The following HIKESHI variants were observed in gnomAD, a reference collection of about 807,000 sequenced individuals.
HIKESHI encodes heat shock protein nuclear import factor hikeshi.
HIKESHI carries 13 observed loss-of-function variants against 25.7 expected under a neutral mutation model. The ratio of observed to expected loss-of-function variants is 0.51; its 90% confidence interval spans 0.33 to 0.80. The LOEUF (loss-of-function observed/expected upper bound fraction) is 0.80. Among genes scored for constraint, HIKESHI ranks in the 30% least tolerant of loss-of-function variants. The pLI is 0.02. For missense variants in HIKESHI, 174 were observed against 229.5 expected, an observed-to-expected ratio of 0.76 and a Z score of 1.56; for synonymous variants, 76 against 78.7, an observed-to-expected ratio of 0.97 and a Z score of 0.18.
chr11:86,332,701 A>G (rs75569662), intron 2 of HIKESHI, among the ~76,000 whole-genome samples: 6,167 of 152,372 alleles, frequency 0.04, 158 homozygotes, highest in Middle Eastern at 0.071. Context: ...GAAGTTGGCA[A>G]ACTTTTTTGT....
intron 3 of HIKESHI, chr11:86,344,326 A>G (rs1006515409): frequency 3.5e-6 from 1 of 284,614 alleles, no homozygotes; most frequent in African/African-American, 2.2e-5. Flanking sequence ...ATTCTTTTTT[A>G]TTCATTTATT....
At chr11:86,311,035 T>C (rs1269602878) in intron 2 of HIKESHI, among the ~76,000 whole-genome samples, 1 of 152,174 alleles carries the variant, frequency 6.6e-6, no homozygotes, top group Non-Finnish European at 1.5e-5. Flanking sequence ...TTTTTTGTTG[T>C]CTCTGCTAGG....
rs1713312396 is a variant in HIKESHI, at chr11:86,337,418, T to C, written c.308T>C (p.Val103Ala). The part of the protein sequence containing the change: ...SQHPFGAMNI[V>A]RTPSVAQIGI... ...CATCCTTTTGGAGCCATGAATATTG[T>C]CCGAACTCCATCTGTTGCTCAGATT... The change falls in exon 3 of 5, where the codon GTC becomes GCC. Residue 103 changes from valine to alanine, a missense_variant. Coordinates refer to ENST00000278483, the MANE Select transcript of HIKESHI (RefSeq NM_016401.4). 1 of 1,613,952 alleles carries C rather than the reference T, an allele frequency of 6.2e-7. No individual in the cohort carries two copies. The highest frequency in any genetic ancestry group is 1.7e-5 in the Admixed American group (1 of 59,978).
At chr11:86,336,454 C>T (rs1355096745) in intron 2 of HIKESHI, among the ~76,000 whole-genome samples, 1 of 152,092 alleles carries the variant, frequency 6.6e-6, no homozygotes, top group Non-Finnish European at 1.5e-5. Context: ...GATTACCACT[C>T]TTAGAGTAAT....
At position 86,306,308 on chromosome 11, in the gene HIKESHI, A is replaced by G. The variant is rs760640958; in HGVS notation, c.94A>G (p.Ser32Gly). The change falls in exon 2 of 5, where the codon AGT becomes GGT. Residue 32 changes from serine (S) to glycine (G), a missense_variant. By Grantham distance (56) the Ser-to-Gly change is moderately conservative. Coordinates refer to ENST00000278483, the MANE Select transcript of HIKESHI (RefSeq NM_016401.4). ...KFVFDLPDYE[S>G]INHVVVFMLG... Reference sequence around the variant, plus strand: ...TGTTTTTGACTTACCTGATTATGAAAGTATCAACCATGTTGTGGTTTTTAT... The same window carrying G: ...TGTTTTTGACTTACCTGATTATGAAGGTATCAACCATGTTGTGGTTTTTAT... The G allele has an allele frequency of 1.3e-5, 21 of 1,614,120 alleles. No individual in the cohort carries two copies. The South Asian group carries it at 2.2e-4, about 17-fold the overall frequency.
chr11:86,326,541 A>G (rs1409680332), intron 2 of HIKESHI: 2 of 456,230 alleles, frequency 4.4e-6, no homozygotes, highest in Admixed American at 2.3e-5. Flanking sequence ...CTTGCTGCCT[A>G]CTTTCAACAT....
intron 3 of HIKESHI, among the ~76,000 whole-genome samples, chr11:86,340,876 C>T (rs375392148): frequency 6.6e-6 from 1 of 152,282 alleles, no homozygotes; most frequent in South Asian, 2.1e-4. Context: ...AACTCCTGAC[C>T]TCGTGATCCA....
chr11:86,302,264 G>C lies in HIKESHI; in HGVS notation c.-185G>C. The C allele has an allele frequency of 3.0e-6, 2 of 664,190 alleles. No individual in the cohort carries two copies. Among genetic ancestry groups the C allele is most frequent in the South Asian group, 1.7e-5 (1 of 59,786 alleles). The allele number at this position is 664,190 out of a possible 1,614,324, so 41.1% of individuals were successfully genotyped here. A position where few individuals can be genotyped will look rare whatever the true frequency, so the allele number is the denominator to read the frequency against. On this transcript the variant is annotated 5_prime_UTR_variant, in exon 1 of 5. Coordinates refer to ENST00000278483, the MANE Select transcript of HIKESHI (RefSeq NM_016401.4). ...TGTTGCCTGAGCAGTGGGCTGCTTA[G>C]GAAGAGAAGGTCAGAGTTCGCGGGG...
intron 2 of HIKESHI, among the ~76,000 whole-genome samples, chr11:86,309,390 TC>T (rs1946772918): frequency 6.6e-6 from 1 of 152,210 alleles, no homozygotes; most frequent in Non-Finnish European, 1.5e-5. Flanking sequence ...TGTGTTCATA[TC>T]CGTTGTCCAC....
intron 2 of HIKESHI, among the ~76,000 whole-genome samples, chr11:86,327,734 C>G (rs568008022): frequency 2.6e-5 from 4 of 152,268 alleles, no homozygotes; most frequent in African/African-American, 9.6e-5. Context: ...TGTTATATGG[C>G]AATACTGTAC....
At chr11:86,321,025 C>T (rs1307393660) in intron 2 of HIKESHI, among the ~76,000 whole-genome samples, 1 of 150,986 alleles carries the variant, frequency 6.6e-6, no homozygotes, top group Non-Finnish European at 1.5e-5. Context: ...ACCTCCACCT[C>T]CTGGGTTCAA....
intron 4 of HIKESHI, 195 bp downstream of exon 4, chr11:86,344,916 C>T: frequency 1.9e-6 from 1 of 525,482 alleles, no homozygotes; most frequent in Non-Finnish European, 3.2e-6. Context: ...TATATTGTCG[C>T]CATTATGAAT....
chr11:86,315,851 A>G (rs1356839393), intron 2 of HIKESHI, among the ~76,000 whole-genome samples: 1 of 152,186 alleles, frequency 6.6e-6, no homozygotes, highest in Non-Finnish European at 1.5e-5. Context: ...CAAACACACA[A>G]GAATTAATTA....
At chr11:86,339,391 C>G (rs1007180028) in intron 3 of HIKESHI, among the ~76,000 whole-genome samples, 2 of 152,218 alleles carry the variant, frequency 1.3e-5, no homozygotes, top group Non-Finnish European at 2.9e-5. Context: ...AATAGGTCCA[C>G]AAAATAGAAT....
chr11:86,320,922 G>C lies in HIKESHI; in HGVS notation c.268+14440G>C, dbSNP rs182176421. Reference sequence around the variant, plus strand: ...TCATTCATGTTATGTCGATCCTTTTGATTGTGGTGTTCATTTTTTTCACTT... The same window carrying C: ...TCATTCATGTTATGTCGATCCTTTTCATTGTGGTGTTCATTTTTTTCACTT... On this transcript the variant is annotated intron_variant, in intron 2 of 4. Coordinates refer to ENST00000278483, the MANE Select transcript of HIKESHI (RefSeq NM_016401.4). Among the ~76,000 whole-genome samples the C allele has an allele frequency of 4.6e-5, 7 of 151,906 alleles. No individual in the cohort carries two copies. The East Asian group carries it at 1.4e-3, about 29-fold the overall frequency.
chr11:86,338,240 C>CT (rs201436135), intron 3 of HIKESHI, among the ~76,000 whole-genome samples: 5,864 of 152,262 alleles, frequency 0.039, 142 homozygotes, highest in Middle Eastern at 0.071. Flanking sequence ...GTAAGTTCAA[C>CT]TTTTAGATTC....
chr11:86,323,171 C>T (rs569654104), intron 2 of HIKESHI, among the ~76,000 whole-genome samples: 43 of 151,552 alleles, frequency 2.8e-4, no homozygotes, highest in Non-Finnish European at 5.0e-4. Context: ...GCAGAGGTTA[C>T]AGTGATCTGC....
intron 2 of HIKESHI, among the ~76,000 whole-genome samples, chr11:86,323,439 A>G (rs192298348): frequency 2.0e-5 from 3 of 152,320 alleles, no homozygotes; most frequent in Middle Eastern, 3.4e-3. Context: ...GAAGCAAGCT[A>G]ATTTGTACCC....
Position 86,313,345 on chromosome 11 carries a change from C to G in HIKESHI, c.268+6863C>G, listed in dbSNP as rs566411463. Among the ~76,000 whole-genome samples, 547 of 152,240 alleles carry G rather than the reference C, an allele frequency of 3.6e-3. 2 individuals carry two copies. Among genetic ancestry groups the G allele is most frequent in the Non-Finnish European group, 5.1e-3 (347 of 68,014 alleles). ...TCCCGGGTTCAAGTGATTCTCCTGC[C>G]TCAGACTGCTGAGTACTTGGGATTA... On this transcript the variant is annotated intron_variant, in intron 2 of 4. Transcript: ENST00000278483.
Sources: gnomAD v4.1 joint callset for allele counts (sites outside exome capture counted in the v4.1 genomes callset) on GRCh38, gnomAD v4.1.1 for gene constraint, MANE v1.5 for transcripts, NCBI Gene and HGNC (gene_info 2026-07-23, HGNC 2026-07-21) for gene names.